The following CNNM2 variants were observed in gnomAD, a reference collection of about 807,000 sequenced individuals.
CNNM2 encodes metal transporter CNNM2.
In CNNM2, 12 loss-of-function variants were observed where a neutral mutation model predicts 66.9. The observed-to-expected ratio is 0.18, with a 90% CI of 0.11 to 0.29. CNNM2 has a LOEUF of 0.29. Among genes scored for constraint, CNNM2 ranks in the 10% least tolerant of loss-of-function variants. The pLI, the probability that CNNM2 is intolerant of heterozygous loss-of-function variation, is 1.00. For synonymous variants in CNNM2, 557 were observed against 501.8 expected (o/e 1.11, Z -1.47); for missense variants, 705 against 1,167.7 (o/e 0.60, Z 5.77).
chr10:103,032,637 C>G (rs558689544), intron 1 of CNNM2, among the ~76,000 whole-genome samples: 109 of 147,138 alleles, frequency 7.4e-4, no homozygotes, highest in African/African-American at 2.6e-3. Flanking sequence ...TTTAGAGTAG[C>G]CTTTCATAAC....
In CNNM2 at chr10:103,021,865, G is replaced by A. The variant is rs146458754; in HGVS notation, c.1622-27842G>A. 1.0e-3 allele frequency among the ~76,000 whole-genome samples: 154 copies of A among 152,222 alleles called. 4 individuals are homozygous for A. In the East Asian group the frequency reaches 0.024, roughly 24 times the overall value. On this transcript the variant is annotated intron_variant, in intron 1 of 7. Transcript: ENST00000369878. ...CCTAGAGGTAAGAATTACTTCTGCC[G>A]TGTATGTGTGAATATATATGTGTGT...
rs2065270653 is a variant in CNNM2, at chr10:103,054,775, C to T, written c.1903+309C>T. ...CACTGCATGTGTACAGTAGGCCAGG[C>T]CATCTCCTTCCAGCTAGGTCCGTGG... On this transcript the variant is annotated intron_variant, in intron 3 of 7. Transcript: ENST00000369878. The surrounding 1 kb of genome is among the most constrained non-coding windows in gnomAD (Gnocchi z 5.2). Among the ~76,000 whole-genome samples, 2 of 152,118 alleles carry T rather than the reference C, an allele frequency of 1.3e-5. No homozygotes were observed. Among genetic ancestry groups the T allele is most frequent in the Non-Finnish European group, 2.9e-5 (2 of 68,022 alleles).
At chr10:103,012,403 T>C (rs934395168) in intron 1 of CNNM2, among the ~76,000 whole-genome samples, 1 of 152,210 alleles carries the variant, frequency 6.6e-6, no homozygotes, top group African/African-American at 2.4e-5. Context: ...CCCAGCACTT[T>C]GGGAGGCCGA....
At chr10:102,920,398 G>C (rs1250238806) in intron 1 of CNNM2, among the ~76,000 whole-genome samples, 2 of 150,552 alleles carry the variant, frequency 1.3e-5, no homozygotes, top group Admixed American at 1.3e-4. Context: ...TTGGTCCCGT[G>C]TGTGGGCCTC....
intron 1 of CNNM2, among the ~76,000 whole-genome samples, chr10:102,928,818 G>C (rs1268909376): frequency 6.6e-6 from 1 of 152,142 alleles, no homozygotes; most frequent in Non-Finnish European, 1.5e-5. Flanking sequence ...TATCACTACT[G>C]TGGGGATTAA....
intron 1 of CNNM2, among the ~76,000 whole-genome samples, chr10:102,937,059 G>A (rs1170650842): frequency 3.3e-5 from 5 of 152,114 alleles, no homozygotes; most frequent in African/African-American, 9.7e-5. Flanking sequence ...TTTAAAGCCC[G>A]TAATGTGTGT....
intron 1 of CNNM2, among the ~76,000 whole-genome samples, chr10:103,030,604 C>T (rs921734245): frequency 2.6e-5 from 4 of 152,084 alleles, no homozygotes; most frequent in South Asian, 2.1e-4. Context: ...GTCCCAGCCA[C>T]TTGTGAGGTG....
intron 1 of CNNM2, among the ~76,000 whole-genome samples, chr10:102,974,007 CAAA>C (rs1283493783): frequency 6.6e-6 from 1 of 152,212 alleles, no homozygotes; most frequent in East Asian, 1.9e-4. Flanking sequence ...TAACTATTGA[CAAA>C]GAACAGGGAA....
At chr10:103,022,364 G>C (rs1161626623) in intron 1 of CNNM2, among the ~76,000 whole-genome samples, 1 of 152,102 alleles carries the variant, frequency 6.6e-6, no homozygotes, top group African/African-American at 2.4e-5. Flanking sequence ...TTTTTCCTGT[G>C]TTTAAACTCT....
At chr10:102,978,507 C>T (rs2063672188) in intron 1 of CNNM2, among the ~76,000 whole-genome samples, 1 of 152,106 alleles carries the variant, frequency 6.6e-6, no homozygotes. Flanking sequence ...CCTCTACCAC[C>T]CAAGCCCCTG....
In CNNM2 at chr10:102,918,432, T is replaced by A; in HGVS notation, c.-49T>A. ...CTCGCCCAGGGGCCGGTACCTGCGC[T>A]CGCGCCGCCGGGTTGAAAGGATGAA... On this transcript the variant is annotated 5_prime_UTR_variant, in exon 1 of 8. Coordinates refer to ENST00000369878, the MANE Select transcript of CNNM2 (RefSeq NM_017649.5). This position sits in a 1 kb window ranked among gnomAD's most constrained non-coding sequence, Gnocchi z 4.1. The A allele has an allele frequency of 6.4e-7, 1 of 1,572,456 alleles. No homozygotes were observed.
chr10:103,054,818 G>T lies in CNNM2; in HGVS notation c.1903+352G>T, dbSNP rs1389337559. Among the ~76,000 whole-genome samples, 1 of 152,170 alleles carries T rather than the reference G, an allele frequency of 6.6e-6. No individual in the cohort carries two copies. The highest frequency in any genetic ancestry group is 1.5e-5 in the Non-Finnish European group (1 of 68,032). On this transcript the variant is annotated intron_variant, in intron 3 of 7. Transcript: ENST00000369878. The surrounding 1 kb of genome is among the most constrained non-coding windows in gnomAD (Gnocchi z 5.2). ...GTCCGTGGGAGAGCCAGCTGGCGGA[G>T]CAGGCTGATGGTGCCAGCCTGGCAC...
chr10:103,020,165 T>C (rs2064544038), intron 1 of CNNM2, among the ~76,000 whole-genome samples: 3 of 152,130 alleles, frequency 2.0e-5, no homozygotes, highest in Admixed American at 6.5e-5. Context: ...TCTTTTTTTT[T>C]TTCGTCTGAG....
intron 1 of CNNM2, among the ~76,000 whole-genome samples, chr10:102,921,595 A>G (rs1483784604): frequency 6.6e-6 from 1 of 152,214 alleles, no homozygotes; most frequent in Admixed American, 6.5e-5. Context: ...TAGGTGACAT[A>G]GCTTCTTTTG....
At chr10:103,000,737 G>A (rs768889283) in intron 1 of CNNM2, among the ~76,000 whole-genome samples, 10 of 152,084 alleles carry the variant, frequency 6.6e-5, no homozygotes, top group Non-Finnish European at 1.2e-4. Context: ...GTACTACCAT[G>A]CCCAGCTAAT....
rs75970938 is a variant in CNNM2, at chr10:103,033,891, T to C, written c.1622-15816T>C. Reference sequence around the variant, plus strand: ...AGAACACTGGGTTTTAAAAGTTGTTTGCATCTTTTTTCTCCTCTATAATGA... The same window carrying C: ...AGAACACTGGGTTTTAAAAGTTGTTCGCATCTTTTTTCTCCTCTATAATGA... On this transcript the variant is annotated intron_variant, in intron 1 of 7. Coordinates refer to ENST00000369878, the MANE Select transcript of CNNM2 (RefSeq NM_017649.5). Among the ~76,000 whole-genome samples the C allele has an allele frequency of 0.083, 12,566 of 152,298 alleles. 805 individuals carry two copies. Among genetic ancestry groups the C allele is most frequent in the East Asian group, 0.28 (1,442 of 5,180 alleles).
At chr10:103,053,324 G>A (rs1330787122) in intron 2 of CNNM2, among the ~76,000 whole-genome samples, 1 of 152,098 alleles carries the variant, frequency 6.6e-6, no homozygotes, top group Non-Finnish European at 1.5e-5. Context: ...ATACCAGCCT[G>A]GGTAACATAG....
At position 102,977,027 on chromosome 10, in the gene CNNM2, G is replaced by A. The variant is rs1361836430; in HGVS notation, c.1621+56926G>A. 2.6e-5 allele frequency among the ~76,000 whole-genome samples: 4 copies of A among 152,074 alleles called. No homozygotes were observed. In the South Asian group the frequency reaches 6.2e-4, roughly 24 times the overall value. ...CTGATAATTGGTCAAGTTGGGTATT[G>A]GGTACAGGGAGGCTCACAGTATTAT... On this transcript the variant is annotated intron_variant, in intron 1 of 7. Transcript: ENST00000369878.
At chr10:103,008,763 A>G (rs796241779) in intron 1 of CNNM2, among the ~76,000 whole-genome samples, 20 of 125,298 alleles carry the variant, frequency 1.6e-4, no homozygotes, top group African/African-American at 5.6e-4. Context: ...TGGGTGACAG[A>G]GCGAGACCCT....
Sources: gnomAD v4.1 joint callset for allele counts (sites outside exome capture counted in the v4.1 genomes callset) on GRCh38, gnomAD v4.1.1 for gene constraint, Gnocchi (gnomAD v3.1) non-coding constraint, MANE v1.5 for transcripts, NCBI Gene and HGNC (gene_info 2026-07-23, HGNC 2026-07-21) for gene names.